AXDND1: variants seen among roughly 807,000 people sequenced by gnomAD.
The protein encoded by AXDND1 is axonemal dynein light chain domain-containing protein 1.
In AXDND1, 110 loss-of-function variants were observed where a neutral mutation model predicts 137.5. The ratio of observed to expected loss-of-function variants is 0.80; its 90% confidence interval spans 0.69 to 0.94. The LOEUF (loss-of-function observed/expected upper bound fraction) is 0.94, where lower values mean the gene tolerates loss of function less well. AXDND1 is among the 40% of genes least tolerant of loss of function. The pLI is 0.00. For synonymous variants in AXDND1, 414 were observed against 399.7 expected (o/e 1.04, Z -0.43); for missense variants, 1,191 against 1,169.8 (o/e 1.02, Z -0.26).
intron 16 of AXDND1, among the ~76,000 whole-genome samples, chr1:179,458,097 C>T (rs562872103): frequency 6.6e-6 from 1 of 151,660 alleles, no homozygotes; most frequent in African/African-American, 2.4e-5. Flanking sequence ...TCAAGTGATC[C>T]TCCCACCTCA....
At chr1:179,538,075 T>G (rs1383465582) in intron 25 of AXDND1, among the ~76,000 whole-genome samples, 4 of 152,198 alleles carry the variant, frequency 2.6e-5, no homozygotes, top group Non-Finnish European at 5.9e-5. Flanking sequence ...TATTTGAATC[T>G]TCTCTCTTTT....
rs369432097 is a variant in AXDND1 at position 179,411,228 on chromosome 1, G to A, written c.1192G>A (p.Asp398Asn). The change falls in exon 12 of 26, where the codon GAT (aspartate) becomes AAT (asparagine). Residue 398 changes from aspartate (D) to asparagine (N), a missense_variant. Physicochemically the swap from Asp to Asn is conservative, Grantham distance 23 (BLOSUM62 1). Transcript: ENST00000367618. Reference protein sequence around the residue: ...NDMKKLVAERDIWSSATYELA... With the variant: ...NDMKKLVAERNIWSSATYELA... ...TATGAAAAAGTTAGTGGCAGAAAGA[G>A]ATATCTGGAGCTCAGCCACATATGA... is the stretch of plus-strand genomic sequence containing the variant. 6.2e-7 allele frequency: 1 copy of A among 1,613,178 alleles called. No homozygotes were observed.
chr1:179,410,321 C>T (rs1270512977), intron 11 of AXDND1, among the ~76,000 whole-genome samples: 1 of 152,166 alleles, frequency 6.6e-6, no homozygotes, highest in African/African-American at 2.4e-5. Context: ...ACCTCTGCCC[C>T]CCAGGTTCAA....
At chr1:179,505,654 A>G (rs891090973) in intron 20 of AXDND1, among the ~76,000 whole-genome samples, 1 of 152,130 alleles carries the variant, frequency 6.6e-6, no homozygotes, top group Non-Finnish European at 1.5e-5. Flanking sequence ...TCTCAAAAAA[A>G]AAAAAAGAAA....
chr1:179,386,284 G>A (rs12723310), intron 9 of AXDND1, among the ~76,000 whole-genome samples: 4 of 152,020 alleles, frequency 2.6e-5, no homozygotes, highest in East Asian at 1.9e-4. Flanking sequence ...TCCTGACCTC[G>A]TGATCTGCCT....
intron 12 of AXDND1, among the ~76,000 whole-genome samples, chr1:179,413,978 A>G (rs927701141): frequency 3.3e-5 from 5 of 152,100 alleles, no homozygotes; most frequent in Non-Finnish European, 7.4e-5. Flanking sequence ...CAAAGTCACT[A>G]TTATTTCCTG....
At chr1:179,434,067 T>C (rs1266232174) in intron 15 of AXDND1, among the ~76,000 whole-genome samples, 1 of 152,174 alleles carries the variant, frequency 6.6e-6, no homozygotes, top group Admixed American at 6.5e-5. Context: ...TTAGGATAGT[T>C]AGCTCTTTCA....
At chr1:179,552,965 C>A (rs1673543570) in intron 25 of AXDND1, among the ~76,000 whole-genome samples, 1 of 152,200 alleles carries the variant, frequency 6.6e-6, no homozygotes, top group African/African-American at 2.4e-5. Flanking sequence ...AGTTTTTCCG[C>A]TTAGGATATA....
At chr1:179,427,173 A>G (rs1656695461) in intron 12 of AXDND1, among the ~76,000 whole-genome samples, 1 of 76,280 alleles carries the variant, frequency 1.3e-5, no homozygotes, top group African/African-American at 4.9e-5. Context: ...CAAAACAAAA[A>G]CAAGAACAAA....
intron 21 of AXDND1, among the ~76,000 whole-genome samples, chr1:179,519,043 C>T (rs112403318): frequency 0.03 from 4,568 of 152,272 alleles, 215 homozygotes; most frequent in African/African-American, 0.1. Context: ...CACAACCTTG[C>T]CAGCATCTGT....
intron 11 of AXDND1, among the ~76,000 whole-genome samples, chr1:179,396,465 C>T (rs1002933651): frequency 3.9e-5 from 6 of 151,922 alleles, no homozygotes; most frequent in African/African-American, 9.7e-5. Flanking sequence ...CTGGCCAACA[C>T]GGTGAAACCC....
At chr1:179,498,365 T>C (rs765806415) in intron 20 of AXDND1, among the ~76,000 whole-genome samples, 2 of 152,102 alleles carry the variant, frequency 1.3e-5, no homozygotes, top group South Asian at 4.1e-4. Context: ...ACCAACCATC[T>C]GATCTTCAAC....
intron 18 of AXDND1, among the ~76,000 whole-genome samples, chr1:179,486,132 A>AC (rs1461189515): frequency 0.034 from 3,943 of 115,400 alleles, 492 homozygotes; most frequent in African/African-American, 0.11. Context: ...AAAAAAAAAA[A>AC]AAAAAAAAAC....
chr1:179,457,317 G>T (rs1305548750), intron 16 of AXDND1: 3 of 621,904 alleles, frequency 4.8e-6, no homozygotes, highest in Non-Finnish European at 8.6e-6. Context: ...CTCTTTAGGA[G>T]ACTCTGAGTT....
At chr1:179,396,432 G>T (rs1224003744) in intron 11 of AXDND1, among the ~76,000 whole-genome samples, 4 of 152,060 alleles carry the variant, frequency 2.6e-5, no homozygotes, top group Non-Finnish European at 4.4e-5. Flanking sequence ...GGTGGATGAT[G>T]AGGTCAGGAG....
At chr1:179,469,911 G>A (rs1663708133) in intron 17 of AXDND1, among the ~76,000 whole-genome samples, 1 of 152,156 alleles carries the variant, frequency 6.6e-6, no homozygotes, top group Non-Finnish European at 1.5e-5. Flanking sequence ...CCAAGGTCAT[G>A]AAAATTTACC....
chr1:179,380,911 C>A (rs1474146479), intron 6 of AXDND1, among the ~76,000 whole-genome samples: 1 of 151,970 alleles, frequency 6.6e-6, no homozygotes, highest in Non-Finnish European at 1.5e-5. Context: ...TAAACATACA[C>A]AAGCATGCAT....
chr1:179,430,373 T>C, intron 13 of AXDND1, 79 bp from the exon 14 acceptor site: 1 of 1,095,288 alleles, frequency 9.1e-7, no homozygotes, highest in African/African-American at 1.6e-5. Context: ...ACAATATTAA[T>C]AATGGCCTGG....
At chr1:179,458,933 AAG>A (rs1661814018) in intron 16 of AXDND1, among the ~76,000 whole-genome samples, 1 of 152,064 alleles carries the variant, frequency 6.6e-6, no homozygotes, top group African/African-American at 2.4e-5. Context: ...AATATTGAAA[AAG>A]AGAAGATAAA....
Sources: gnomAD v4.1 joint callset for allele counts (sites outside exome capture counted in the v4.1 genomes callset) on GRCh38, gnomAD v4.1.1 for gene constraint, MANE v1.5 for transcripts, NCBI Gene and HGNC (gene_info 2026-07-23, HGNC 2026-07-21) for gene names.